The following DMD variants were observed in gnomAD, a reference collection of about 807,000 sequenced individuals.
DMD encodes the protein mutant dystrophin.
In DMD, 63 loss-of-function variants were observed where a neutral mutation model predicts 330.1. That is an observed-to-expected ratio of 0.19 (90% CI 0.16 to 0.24). The LOEUF (loss-of-function observed/expected upper bound fraction) is 0.24. DMD is among the 10% of genes least tolerant of loss of function. The pLI is 1.00. For synonymous variants in DMD, 1,223 were observed against 959.8 expected (o/e 1.27, Z -5.07); for missense variants, 3,344 against 2,684.1 (o/e 1.25, Z -5.43).
intron 19 of DMD, among the ~76,000 whole-genome samples, chrX:32,492,282 G>C (rs1326155966): frequency 8.9e-6 from 1 of 112,398 alleles, no homozygotes; most frequent in African/African-American, 3.2e-5. Flanking sequence ...AGCTTGCAGT[G>C]AGCGGAGATC....
rs1019821596 is a variant in DMD at position 32,116,323 on chromosome X, C to T, written c.6438+100593G>A. 2.7e-5 allele frequency among the ~76,000 whole-genome samples: 3 copies of T among 112,156 alleles called. No individual in the cohort carries two copies. The Admixed American group carries it at 2.9e-4, about 11-fold the overall frequency. On this transcript the variant is annotated intron_variant, in intron 44 of 78. Coordinates refer to ENST00000357033, the MANE Select transcript of DMD (RefSeq NM_004006.3). ...TCCACCTTCAATATCATTTTCTATT[C>T]CCTTAACCAGCTTTATTTCCAATAT... is the stretch of plus-strand genomic sequence containing the variant.
Position 32,643,910 on chromosome X carries a change from T to C in DMD, c.1331+222A>G, listed in dbSNP as rs73621814. 0.032 allele frequency among the ~76,000 whole-genome samples: 3,568 copies of C among 111,751 alleles called. 158 individuals carry two copies. Among genetic ancestry groups the C allele is most frequent in the African/African-American group, 0.11 (3,359 of 30,758 alleles). ...AATTTTGGCAAATCTTAAAACATAGTTCTGTAGATAACAGTGCATCTATCT... is the reference window on the plus strand; with the variant it reads ...AATTTTGGCAAATCTTAAAACATAGCTCTGTAGATAACAGTGCATCTATCT... On this transcript the variant is annotated intron_variant, in intron 11 of 78. Coordinates refer to ENST00000357033, the MANE Select transcript of DMD (RefSeq NM_004006.3).
At chrX:31,517,918 A>AAC (rs372551324) in intron 55 of DMD, among the ~76,000 whole-genome samples, 8,021 of 89,461 alleles carry the variant, frequency 0.09, 293 homozygotes, top group Non-Finnish European at 0.097. Context: ...CTGTGTTTCA[A>AAC]ACACACACAC....
chrX:32,485,205 T>C lies in DMD; in HGVS notation c.2623-106A>G, dbSNP rs2042297167. The C allele has an allele frequency of 1.1e-5, 8 of 714,112 alleles. No individual in the cohort carries two copies. In the East Asian group the frequency reaches 2.6e-4, roughly 24 times the overall value. The allele number at this position is 714,112 out of a possible 1,213,427, so 58.9% of individuals were successfully genotyped here. ...GTAAGGCAAGTTTAGCTTAATACCC[T>C]TCACAAATATCTGATAAGAAACATC... On this transcript the variant is annotated intron_variant, in intron 20 of 78. Transcript: ENST00000357033.
rs58917197 is a variant in DMD at position 33,005,108 on chromosome X, C to T, written c.93+15031G>A. 2.5e-3 allele frequency among the ~76,000 whole-genome samples: 279 copies of T among 110,334 alleles called. 2 individuals are homozygous for T. Among genetic ancestry groups the T allele is most frequent in the African/African-American group, 8.8e-3 (268 of 30,450 alleles). On this transcript the variant is annotated intron_variant, in intron 2 of 78. Coordinates refer to ENST00000357033, the MANE Select transcript of DMD (RefSeq NM_004006.3). Reference sequence around the variant, plus strand: ...ACCACTGCTTGCAATTGTTTTGCCTCGAATTGGTTTATCTTGTCTGGTTGC... The same window carrying T: ...ACCACTGCTTGCAATTGTTTTGCCTTGAATTGGTTTATCTTGTCTGGTTGC...
chrX:32,285,528 C>T (rs1444918556), intron 43 of DMD, among the ~76,000 whole-genome samples: 1 of 111,618 alleles, frequency 9.0e-6, no homozygotes, highest in African/African-American at 3.3e-5. Context: ...ACCCTCCTGC[C>T]TCAGCCTCCC....
At chrX:31,757,982 C>G (rs2089264041) in intron 51 of DMD, among the ~76,000 whole-genome samples, 1 of 110,154 alleles carries the variant, frequency 9.1e-6, no homozygotes, top group Admixed American at 9.7e-5. Flanking sequence ...CAGCTGAGGC[C>G]CTTACTAAGA....
At chrX:32,442,232 A>G (rs1198355427) in intron 27 of DMD, among the ~76,000 whole-genome samples, 3 of 110,938 alleles carry the variant, frequency 2.7e-5, no homozygotes, top group Non-Finnish European at 3.8e-5. Context: ...GGACACCATC[A>G]AGTAATTGAA....
At chrX:31,684,671 C>T (rs764553641) in intron 52 of DMD, among the ~76,000 whole-genome samples, 5 of 111,976 alleles carry the variant, frequency 4.5e-5, no homozygotes, top group African/African-American at 1.6e-4. Flanking sequence ...TGAGAAAGCA[C>T]GTAGTTCTGC....
chrX:33,200,729 A>G (rs1326680009), intron 1 of DMD, among the ~76,000 whole-genome samples: 1 of 110,478 alleles, frequency 9.1e-6, no homozygotes, highest in African/African-American at 3.3e-5. Flanking sequence ...AAATTAACCT[A>G]CTGGGTCTCC....
At position 31,893,676 on chromosome X, in the gene DMD, C is replaced by T. The variant is rs774989378; in HGVS notation, c.6913-18303G>A. Among the ~76,000 whole-genome samples the T allele has an allele frequency of 1.6e-3, 176 of 109,835 alleles. 2 individuals are homozygous for T. Among genetic ancestry groups the T allele is most frequent in the African/African-American group, 5.7e-3 (172 of 30,167 alleles). On this transcript the variant is annotated intron_variant, in intron 47 of 78. Transcript: ENST00000357033. Reference sequence around the variant, plus strand: ...TTGTAGGAGGGATAGGCAGGGTAATCAAGGGAAGGAAAGAGAGAGAGGCAT... The same window carrying T: ...TTGTAGGAGGGATAGGCAGGGTAATTAAGGGAAGGAAAGAGAGAGAGGCAT...
chrX:32,720,672 A>G (rs1184923367), intron 7 of DMD, among the ~76,000 whole-genome samples: 3 of 111,800 alleles, frequency 2.7e-5, no homozygotes, highest in Middle Eastern at 4.2e-3. Context: ...AAATATTAGA[A>G]AGGGTTAAGT....
chrX:33,150,176 G>A (rs2048209285), intron 1 of DMD, among the ~76,000 whole-genome samples: 1 of 111,006 alleles, frequency 9.0e-6, no homozygotes, highest in East Asian at 2.8e-4. Flanking sequence ...TTTTGCAAAT[G>A]TCTCTGTGTT....
At chrX:32,480,360 C>T (rs190299450) in intron 21 of DMD, among the ~76,000 whole-genome samples, 4 of 101,776 alleles carry the variant, frequency 3.9e-5, no homozygotes, top group South Asian at 4.2e-4. Context: ...GTTCCTGTCA[C>T]ATAAATTTTA....
At chrX:31,507,201 A>C in intron 56 of DMD, 80 bp downstream of exon 56, 1 of 939,584 alleles carries the variant, frequency 1.1e-6, no homozygotes, top group Admixed American at 2.2e-5. Flanking sequence ...GTGAGATACC[A>C]GTTACTTGTG....
intron 43 of DMD, among the ~76,000 whole-genome samples, chrX:32,285,058 C>G (rs1028797591): frequency 6.2e-5 from 7 of 112,082 alleles, no homozygotes; most frequent in Admixed American, 3.8e-4. Context: ...GAAGGGAATA[C>G]CTGGATCATT....
chrX:31,929,484 A>G, intron 47 of DMD, 112 bp downstream of exon 47: 1 of 923,926 alleles, frequency 1.1e-6, no homozygotes, highest in East Asian at 3.1e-5. Context: ...AAACAAAACA[A>G]CAATCCACAT....
chrX:33,291,694 G>A (rs894887918), intron 1 of DMD, among the ~76,000 whole-genome samples: 7 of 110,740 alleles, frequency 6.3e-5, no homozygotes, highest in Admixed American at 2.9e-4. Flanking sequence ...CTGTGTCTCC[G>A]TCTTCATCTT....
At chrX:31,381,320 T>G (rs1417261288) in intron 60 of DMD, among the ~76,000 whole-genome samples, 1 of 111,643 alleles carries the variant, frequency 9.0e-6, no homozygotes, top group Non-Finnish European at 1.9e-5. Flanking sequence ...CCAAACAACT[T>G]GACCTTACTG....
Sources: allele counts gnomAD v4.1 joint callset (sites outside exome capture counted in the v4.1 genomes callset), GRCh38; gene constraint gnomAD v4.1.1; transcripts MANE v1.5; gene names NCBI Gene and HGNC (gene_info 2026-07-23, HGNC 2026-07-21).